TUSC3: variants seen among roughly 807,000 people sequenced by gnomAD.
TUSC3 encodes the protein tumor suppressor candidate 3, also known as dolichyl-diphosphooligosaccharide--protein glycosyltransferase subunit TUSC3.
TUSC3 carries 45 observed loss-of-function variants against 44.8 expected under a neutral mutation model. The observed-to-expected ratio is 1.00, with a 90% CI of 0.79 to 1.29. The LOEUF (loss-of-function observed/expected upper bound fraction) is 1.29, where lower values mean the gene tolerates loss of function less well. Among genes scored for constraint, TUSC3 ranks in the 50% most tolerant of loss-of-function variants. The pLI, the probability that TUSC3 is intolerant of heterozygous loss-of-function variation, is 0.00. For synonymous variants in TUSC3, 212 were observed against 152.9 expected, an observed-to-expected ratio of 1.39 and a Z score of -2.85; for missense variants, 519 against 437.9, an observed-to-expected ratio of 1.19 and a Z score of -1.65.
At chr8:15,752,443 C>G (rs1041977140) in intron 9 of TUSC3, among the ~76,000 whole-genome samples, 1 of 152,026 alleles carries the variant, frequency 6.6e-6, no homozygotes, top group African/African-American at 2.4e-5. Context: ...AGGAAATATT[C>G]TTAACCAATT....
At position 15,748,460 on chromosome 8, in the gene TUSC3, T is replaced by G. The variant is rs749693933; in HGVS notation, c.1023T>G (p.Pro341=). The G allele has an allele frequency of 6.2e-7, 1 of 1,604,626 alleles. No homozygotes were observed. Among genetic ancestry groups the G allele is most frequent in the South Asian group, 1.1e-5 (1 of 90,910 alleles). Residue 341 remains proline (P), a synonymous_variant, in exon 9 of 11, where the codon CCT becomes CCG. Coordinates refer to ENST00000503731, the MANE Select transcript of TUSC3 (RefSeq NM_006765.4). ...TTCGTTCCAAGTACCACGGCTATCC[T>G]TATAGGTAATATCTTTATACTAACA... ...SIFRSKYHGY[P]YSDLDFE
intron 2 of TUSC3, among the ~76,000 whole-genome samples, chr8:15,484,271 T>C (rs1800707228): frequency 6.6e-6 from 1 of 152,234 alleles, no homozygotes; most frequent in Non-Finnish European, 1.5e-5. Context: ...AACTCAAATG[T>C]CCACTCTGCT....
intron 1 of TUSC3, among the ~76,000 whole-genome samples, chr8:15,593,674 CT>C (rs1453706956): frequency 3.9e-5 from 6 of 152,014 alleles, no homozygotes; most frequent in African/African-American, 1.4e-4. Context: ...TTATCTGTGC[CT>C]TCATTTCTTG....
At chr8:15,758,979 A>T (rs1812053035) in intron 10 of TUSC3, among the ~76,000 whole-genome samples, 1 of 152,084 alleles carries the variant, frequency 6.6e-6, no homozygotes. Context: ...GGGTTTAGCA[A>T]TCTTCTATTA....
the TUSC3 span, among the ~76,000 whole-genome samples, chr8:15,817,709 C>T: frequency 6.6e-6 from 1 of 152,308 alleles, no homozygotes; most frequent in East Asian, 1.9e-4. Context: ...CCCTGTAGAA[C>T]TGTGAGTCAA....
At chr8:15,459,779 G>A (rs78011056) in intron 1 of TUSC3, among the ~76,000 whole-genome samples, 2 of 151,766 alleles carry the variant, frequency 1.3e-5, no homozygotes, top group African/African-American at 4.8e-5. Context: ...TCTCATCCCG[G>A]TCAATGCGAG....
chr8:15,516,124 A>G (rs115535129), intron 2 of TUSC3, among the ~76,000 whole-genome samples: 1,666 of 152,286 alleles, frequency 0.011, 35 homozygotes, highest in African/African-American at 0.038. Flanking sequence ...CTCATTGTTA[A>G]TGACTTTCAT....
chr8:15,839,557 G>C, the TUSC3 span, among the ~76,000 whole-genome samples: 1 of 152,116 alleles, frequency 6.6e-6, no homozygotes, highest in African/African-American at 2.4e-5. Context: ...CCATCAACAA[G>C]TGGGTGAAGG....
At chr8:15,680,521 A>T (rs1011112477) in intron 6 of TUSC3, among the ~76,000 whole-genome samples, 1 of 152,148 alleles carries the variant, frequency 6.6e-6, no homozygotes, top group Admixed American at 6.5e-5. Context: ...ATACAGAATC[A>T]TATAGTCTGC....
rs555715451 is a variant in TUSC3, at chr8:15,458,848, T to G, written n.92-24538T>G. Among the ~76,000 whole-genome samples the G allele has an allele frequency of 2.0e-5, 3 of 152,312 alleles. No homozygotes were observed. The East Asian group carries it at 5.8e-4, about 29-fold the overall frequency. ...TTTCTAAGTTATATTGAAAAAGCTGTCTTGGATTTTAGCTTTACAGGTGGC... is the reference window on the plus strand; with the variant it reads ...TTTCTAAGTTATATTGAAAAAGCTGGCTTGGATTTTAGCTTTACAGGTGGC... On this transcript the variant is annotated intron_variant and non_coding_transcript_variant, in intron 1 of 5. Transcript: ENST00000503191.
intron 2 of TUSC3, among the ~76,000 whole-genome samples, chr8:15,641,622 A>G (rs1432054622): frequency 1.3e-5 from 2 of 152,206 alleles, no homozygotes; most frequent in African/African-American, 2.4e-5. Flanking sequence ...TTTTAACCTC[A>G]TGACAACTGT....
intron 2 of TUSC3, among the ~76,000 whole-genome samples, chr8:15,516,802 A>C (rs1801221715): frequency 6.6e-6 from 1 of 152,212 alleles, no homozygotes; most frequent in South Asian, 2.1e-4. Context: ...ACAAAATATA[A>C]AAATGGGGAC....
At chr8:15,568,948 A>G (rs1203077756) in intron 1 of TUSC3, among the ~76,000 whole-genome samples, 1 of 151,984 alleles carries the variant, frequency 6.6e-6, no homozygotes, top group Non-Finnish European at 1.5e-5. Flanking sequence ...TTGGTTGACT[A>G]CTTTCTTTAG....
At chr8:15,725,333 C>A (rs1810457638) in intron 6 of TUSC3, among the ~76,000 whole-genome samples, 1 of 152,126 alleles carries the variant, frequency 6.6e-6, no homozygotes, top group South Asian at 2.1e-4. Context: ...GATCCCAAGC[C>A]CATTTAACTA....
the TUSC3 span, among the ~76,000 whole-genome samples, chr8:15,823,972 A>G: frequency 6.6e-6 from 1 of 152,246 alleles, no homozygotes; most frequent in South Asian, 2.1e-4. Context: ...TTGAGAAAAC[A>G]TATGCAAGAA....
At chr8:15,635,765 G>C (rs1313427564) in intron 2 of TUSC3, among the ~76,000 whole-genome samples, 1 of 152,162 alleles carries the variant, frequency 6.6e-6, no homozygotes, top group South Asian at 2.1e-4. Flanking sequence ...AGAGTCTCAA[G>C]TCTAGTATTC....
intron 3 of TUSC3, among the ~76,000 whole-genome samples, chr8:15,651,544 A>G (rs1392282182): frequency 6.6e-6 from 1 of 152,208 alleles, no homozygotes; most frequent in Admixed American, 6.5e-5. Context: ...ACTGATGTCC[A>G]TATAAGACGA....
At chr8:15,838,290 T>C in the TUSC3 span, among the ~76,000 whole-genome samples, 1 of 152,334 alleles carries the variant, frequency 6.6e-6, no homozygotes, top group African/African-American at 2.4e-5. Context: ...TGAACTTTCT[T>C]GGATTCATTT....
At chr8:15,754,730 T>C (rs1045960956) in intron 9 of TUSC3, among the ~76,000 whole-genome samples, 6 of 152,180 alleles carry the variant, frequency 3.9e-5, no homozygotes. Context: ...ACCACTGATA[T>C]ACAGGACTGT....
Sources: allele counts gnomAD v4.1 joint callset (sites outside exome capture counted in the v4.1 genomes callset), GRCh38; gene constraint gnomAD v4.1.1; transcripts MANE v1.5; gene names NCBI Gene and HGNC (gene_info 2026-07-23, HGNC 2026-07-21).